Variants in NELL1 observed in about 807,000 individuals in gnomAD.
NELL1 encodes neural EGFL like 1.
In NELL1, 76 loss-of-function variants were observed where a neutral mutation model predicts 107.4. The observed-to-expected ratio is 0.71, with a 90% CI of 0.59 to 0.86. NELL1 has a LOEUF of 0.86. Among genes scored for constraint, NELL1 ranks in the 40% least tolerant of loss-of-function variants. The pLI, the probability that NELL1 is intolerant of heterozygous loss-of-function variation, is 0.00. For missense variants in NELL1, 1,024 were observed against 1,005.5 expected (o/e 1.02, Z -0.25); for synonymous variants, 353 against 341.2 (o/e 1.03, Z -0.38).
intron 13 of NELL1, among the ~76,000 whole-genome samples, chr11:21,162,166 G>T (rs1856387295): frequency 6.6e-6 from 1 of 151,968 alleles, no homozygotes; most frequent in African/African-American, 2.4e-5. Flanking sequence ...GACCAGGATG[G>T]TCTCAATCCC....
At chr11:20,884,065 G>T (rs554218937) in intron 4 of NELL1, among the ~76,000 whole-genome samples, 1 of 152,200 alleles carries the variant, frequency 6.6e-6, no homozygotes, top group Non-Finnish European at 1.5e-5. Context: ...AGGATAATTA[G>T]TAGAGAAAGA....
intron 2 of NELL1, among the ~76,000 whole-genome samples, chr11:20,748,915 T>TCCAC (rs59960620): frequency 8.1e-6 from 1 of 123,862 alleles, no homozygotes; most frequent in Non-Finnish European, 1.7e-5. Flanking sequence ...CAGCCACCCA[T>TCCAC]CCATCCATCC....
At chr11:20,688,388 C>G (rs1190037805) in intron 2 of NELL1, among the ~76,000 whole-genome samples, 2 of 151,984 alleles carry the variant, frequency 1.3e-5, no homozygotes, top group Non-Finnish European at 1.5e-5. Flanking sequence ...AATATCTTCC[C>G]CCTCTCGTAG....
chr11:20,977,264 AT>A (rs558154042), intron 12 of NELL1, among the ~76,000 whole-genome samples: 3,338 of 131,096 alleles, frequency 0.025, 66 homozygotes, highest in African/African-American at 0.077. Context: ...AATTAAATCT[AT>A]TTTTTTTTTT....
chr11:21,527,904 A>C (rs1025367924), intron 15 of NELL1, among the ~76,000 whole-genome samples: 2 of 152,158 alleles, frequency 1.3e-5, no homozygotes, highest in African/African-American at 4.8e-5. Flanking sequence ...AGCTGATTAG[A>C]TGGTGCTCAC....
intron 12 of NELL1, among the ~76,000 whole-genome samples, chr11:20,981,449 C>T (rs1191388965): frequency 6.6e-6 from 1 of 152,090 alleles, no homozygotes; most frequent in African/African-American, 2.4e-5. Flanking sequence ...TTGACTATAT[C>T]TAGAACATAA....
rs1453989 is a variant in NELL1 at position 21,318,647 on chromosome 11, G to T, written c.1550-52206G>T. Among the ~76,000 whole-genome samples the T allele has an allele frequency of 7.6e-3, 1,160 of 152,162 alleles. 27 individuals carry two copies. The highest frequency in any genetic ancestry group is 0.027 in the African/African-American group (1,103 of 41,480). On this transcript the variant is annotated intron_variant, in intron 14 of 19. Transcript: ENST00000357134. The stretch of plus-strand genomic sequence containing the variant: ...CTTCTTCACTAGTGTGCAAACTCCA[G>T]AGCAGAATGCTTGTAATATATCTTA...
intron 2 of NELL1, among the ~76,000 whole-genome samples, chr11:20,747,437 T>C (rs568330718): frequency 8.5e-5 from 13 of 152,244 alleles, no homozygotes; most frequent in African/African-American, 3.1e-4. Flanking sequence ...GGAACTGAGA[T>C]GGAATTCAGA....
At chr11:20,980,257 G>A (rs574486947) in intron 12 of NELL1, among the ~76,000 whole-genome samples, 3 of 152,184 alleles carry the variant, frequency 2.0e-5, no homozygotes, top group East Asian at 3.9e-4. Context: ...TGTTGGGTGC[G>A]TTTACGTATA....
intron 15 of NELL1, among the ~76,000 whole-genome samples, chr11:21,442,942 CTTTTTTTT>C (rs66501874): frequency 8.5e-4 from 49 of 57,594 alleles, no homozygotes; most frequent in Admixed American, 2.7e-3. Flanking sequence ...GCTATCTTTC[CTTTTTTTT>C]TTTTTTTTTT....
At chr11:21,494,148 G>A (rs181812607) in intron 15 of NELL1, among the ~76,000 whole-genome samples, 68 of 152,050 alleles carry the variant, frequency 4.5e-4, no homozygotes, top group Admixed American at 1.1e-3. Flanking sequence ...GTCTTGGCAC[G>A]TTAAGTAGTG....
chr11:20,825,207 C>T (rs571017820), intron 3 of NELL1, among the ~76,000 whole-genome samples: 38 of 151,536 alleles, frequency 2.5e-4, no homozygotes, highest in African/African-American at 8.4e-4. Context: ...ACGGACAAAA[C>T]TCTCATAGAG....
rs143582920 is a variant in NELL1, at chr11:20,843,973, A to C, written c.336-3610A>C. ...GCAAAGGCCTGGGCTTACAGAATTC[A>C]GCTAAGTAAATACAGGTTGGAAAAG... is the stretch of plus-strand genomic sequence containing the variant. On this transcript the variant is annotated intron_variant, in intron 3 of 19. Transcript: ENST00000357134. Among the ~76,000 whole-genome samples the C allele has an allele frequency of 1.1e-4, 17 of 152,292 alleles. 1 individual carries two copies. In the East Asian group the frequency reaches 3.3e-3, roughly 29 times the overall value.
At chr11:20,795,053 G>A (rs1440137434) in intron 3 of NELL1, among the ~76,000 whole-genome samples, 1 of 152,204 alleles carries the variant, frequency 6.6e-6, no homozygotes, top group Non-Finnish European at 1.5e-5. Flanking sequence ...CTCAGGCACA[G>A]CCATTATTGA....
At chr11:21,181,217 T>C (rs938370336) in intron 13 of NELL1, among the ~76,000 whole-genome samples, 1 of 151,874 alleles carries the variant, frequency 6.6e-6, no homozygotes, top group Non-Finnish European at 1.5e-5. Context: ...ATTGTATTTA[T>C]GGGGGAAAAG....
chr11:21,553,588 A>G (rs1165347175), intron 16 of NELL1, among the ~76,000 whole-genome samples: 1 of 151,816 alleles, frequency 6.6e-6, no homozygotes, highest in East Asian at 1.9e-4. Context: ...CATTTTATAT[A>G]GCTCCTAAAT....
At chr11:21,301,932 T>C (rs1849499645) in intron 14 of NELL1, among the ~76,000 whole-genome samples, 1 of 152,076 alleles carries the variant, frequency 6.6e-6, no homozygotes, top group African/African-American at 2.4e-5. Flanking sequence ...ACTCCATCAA[T>C]GAAGAAATTG....
rs1348030696 is a variant in NELL1 at position 20,783,664 on chromosome 11, T to C, written c.185-16T>C. 6.2e-7 allele frequency: 1 copy of C among 1,606,744 alleles called. No homozygotes were observed. The highest frequency in any genetic ancestry group is 1.3e-5 in the African/African-American group (1 of 74,742). ...CTCCTCTCCTGTTTCCTCCTGCTTT[T>C]CTTCTTGATTCCTAGACATAGAAAG... On this transcript the variant is annotated splice_polypyrimidine_tract_variant and intron_variant, in intron 2 of 19. Transcript: ENST00000357134.
intron 15 of NELL1, among the ~76,000 whole-genome samples, chr11:21,492,131 A>G (rs1854837390): frequency 6.6e-6 from 1 of 152,250 alleles, no homozygotes. Context: ...GCAACCAAAA[A>G]ACACATGAAA....
Sources: allele counts gnomAD v4.1 joint callset (sites outside exome capture counted in the v4.1 genomes callset), GRCh38; gene constraint gnomAD v4.1.1; transcripts MANE v1.5; gene names NCBI Gene and HGNC (gene_info 2026-07-23, HGNC 2026-07-21).